Variants in RSU1 observed in about 807,000 individuals in gnomAD.
The protein encoded by RSU1 is Ras suppressor protein 1.
In RSU1, 26 loss-of-function variants were observed where a neutral mutation model predicts 31.1. The observed-to-expected ratio is 0.84, with a 90% CI of 0.61 to 1.16. The LOEUF (loss-of-function observed/expected upper bound fraction) is 1.16, where lower values mean the gene tolerates loss of function less well. Among genes scored for constraint, RSU1 ranks in the 50% most tolerant of loss-of-function variants. The probability of loss-of-function intolerance (pLI) is 0.00; values close to 1 mark genes in which losing one functional copy is unlikely to be tolerated. For synonymous variants in RSU1, 164 were observed against 136.3 expected (o/e 1.20, Z -1.41); for missense variants, 320 against 339.1 (o/e 0.94, Z 0.44).
intron 8 of RSU1, among the ~76,000 whole-genome samples, chr10:16,632,520 G>T (rs1834269774): frequency 6.6e-6 from 1 of 152,156 alleles, no homozygotes; most frequent in Non-Finnish European, 1.5e-5. Context: ...GAAAGTTATG[G>T]TTGAAAGCTG....
intron 8 of RSU1, among the ~76,000 whole-genome samples, chr10:16,617,706 C>T (rs760858905): frequency 3.9e-5 from 6 of 152,050 alleles, no homozygotes; most frequent in African/African-American, 1.2e-4. Flanking sequence ...ATCTGACCTT[C>T]GACAAACCTG....
At position 16,789,363 on chromosome 10, in the gene RSU1, T is replaced by C. The variant is rs548571221; in HGVS notation, c.110-7279A>G. Among the ~76,000 whole-genome samples the C allele has an allele frequency of 5.9e-5, 9 of 152,282 alleles. No homozygotes were observed. In the South Asian group the frequency reaches 1.9e-3, roughly 32 times the overall value. ...ACAAGAGCAGAAAAGAAAAAGTTAATAAAAGATCTTTGAGAAAAATATTTA... is the reference window on the plus strand; with the variant it reads ...ACAAGAGCAGAAAAGAAAAAGTTAACAAAAGATCTTTGAGAAAAATATTTA... On this transcript the variant is annotated intron_variant, in intron 2 of 8. Coordinates refer to ENST00000345264, the MANE Select transcript of RSU1 (RefSeq NM_012425.4).
At chr10:16,691,879 C>T (rs1299700372) in intron 8 of RSU1, among the ~76,000 whole-genome samples, 1 of 151,982 alleles carries the variant, frequency 6.6e-6, no homozygotes, top group Non-Finnish European at 1.5e-5. Flanking sequence ...GCTGGGATTA[C>T]AGGCACCCAC....
chr10:16,735,600 A>T (rs1836609707), intron 7 of RSU1, among the ~76,000 whole-genome samples: 1 of 152,208 alleles, frequency 6.6e-6, no homozygotes, highest in South Asian at 2.1e-4. Flanking sequence ...TTATAAAGGG[A>T]AGAGGTTTAA....
chr10:16,656,265 A>G (rs1427412472), intron 8 of RSU1, among the ~76,000 whole-genome samples: 1 of 152,058 alleles, frequency 6.6e-6, no homozygotes, highest in African/African-American at 2.4e-5. Flanking sequence ...TGGGATATAG[A>G]CTCTCGGCTT....
chr10:16,773,478 G>A (rs745498495), intron 3 of RSU1, among the ~76,000 whole-genome samples: 13 of 152,160 alleles, frequency 8.5e-5, no homozygotes, highest in Non-Finnish European at 1.5e-5. Context: ...CCACAGGAAC[G>A]CTTCGTCCAT....
In RSU1 at chr10:16,760,012, T is replaced by G. The variant is rs61289102; in HGVS notation, c.281+4378A>C. Among the ~76,000 whole-genome samples the G allele has an allele frequency of 5.2e-4, 79 of 152,332 alleles. 1 individual carries two copies. The highest frequency in any genetic ancestry group is 1.8e-3 in the African/African-American group (76 of 41,562). On this transcript the variant is annotated intron_variant, in intron 4 of 8. Transcript: ENST00000345264. The stretch of plus-strand genomic sequence containing the variant: ...GTGTGAGTACAATTCTTTATGCCAT[T>G]TGAGGACAGAGTATCCTTTAGTGAA...
chr10:16,709,432 T>G (rs534624676), intron 7 of RSU1, among the ~76,000 whole-genome samples: 218 of 152,328 alleles, frequency 1.4e-3, no homozygotes, highest in Admixed American at 1.7e-3. Flanking sequence ...TCTTTGCTAT[T>G]GTGAATAGTG....
chr10:16,763,656 C>T (rs1837253613), intron 4 of RSU1, among the ~76,000 whole-genome samples: 2 of 152,120 alleles, frequency 1.3e-5, no homozygotes, highest in Admixed American at 6.6e-5. Flanking sequence ...CCTTCAGACC[C>T]AGAACCATCT....
intron 3 of RSU1, among the ~76,000 whole-genome samples, chr10:16,767,976 A>G (rs1036100394): frequency 6.6e-6 from 1 of 152,240 alleles, no homozygotes; most frequent in African/African-American, 2.4e-5. Flanking sequence ...GGCCACTGCA[A>G]TATTTTACCA....
At chr10:16,638,215 G>A (rs1053909545) in intron 8 of RSU1, among the ~76,000 whole-genome samples, 2 of 152,056 alleles carry the variant, frequency 1.3e-5, no homozygotes, top group African/African-American at 2.4e-5. Flanking sequence ...AAGCTGGGTC[G>A]GCTCCCTGGA....
chr10:16,722,312 G>A (rs1446151754), intron 7 of RSU1, among the ~76,000 whole-genome samples: 1 of 152,114 alleles, frequency 6.6e-6, no homozygotes, highest in Non-Finnish European at 1.5e-5. Flanking sequence ...ACACTAATGA[G>A]GTGGGAATAT....
intron 2 of RSU1, among the ~76,000 whole-genome samples, chr10:16,805,456 C>T (rs1483627567): frequency 1.3e-5 from 2 of 151,582 alleles, no homozygotes; most frequent in Non-Finnish European, 2.9e-5. Flanking sequence ...TGGATCACGA[C>T]GTGAGGAGAT....
At chr10:16,668,049 G>C (rs1460438775) in intron 8 of RSU1, among the ~76,000 whole-genome samples, 1 of 152,200 alleles carries the variant, frequency 6.6e-6, no homozygotes, top group Non-Finnish European at 1.5e-5. Flanking sequence ...TGAGCTTGGA[G>C]TTTGCAGTGA....
intron 1 of RSU1, 84 bp from the exon 2 acceptor site, chr10:16,817,168 G>C: frequency 2.1e-6 from 2 of 953,316 alleles, no homozygotes; most frequent in Non-Finnish European, 3.3e-6. Flanking sequence ...GCCACTCTGA[G>C]GCTTCCCCAG....
At chr10:16,616,520 C>G (rs572505742) in intron 8 of RSU1, among the ~76,000 whole-genome samples, 1 of 152,156 alleles carries the variant, frequency 6.6e-6, no homozygotes, top group East Asian at 1.9e-4. Context: ...TTTATGAGGC[C>G]AGCATCATGC....
chr10:16,790,098 T>C (rs1305669236), intron 2 of RSU1, among the ~76,000 whole-genome samples: 1 of 152,178 alleles, frequency 6.6e-6, no homozygotes, highest in South Asian at 2.1e-4. Flanking sequence ...ATTTATGATT[T>C]TTTTATTCTT....
chr10:16,748,666 C>G (rs565173231), intron 7 of RSU1, among the ~76,000 whole-genome samples: 1 of 152,238 alleles, frequency 6.6e-6, no homozygotes, highest in South Asian at 2.1e-4. Context: ...TTACAACTCT[C>G]TCCCCTTCAC....
At chr10:16,725,029 G>A (rs1413197420) in intron 7 of RSU1, among the ~76,000 whole-genome samples, 2 of 152,226 alleles carry the variant, frequency 1.3e-5, no homozygotes, top group Non-Finnish European at 2.9e-5. Context: ...CCTGCCTAAT[G>A]ACTGAAAGGA....
Sources: allele counts gnomAD v4.1 joint callset (sites outside exome capture counted in the v4.1 genomes callset), GRCh38; gene constraint gnomAD v4.1.1; transcripts MANE v1.5; gene names NCBI Gene and HGNC (gene_info 2026-07-23, HGNC 2026-07-21).